The following EDEM3 variants were observed in gnomAD, a reference collection of about 807,000 sequenced individuals.
EDEM3 encodes the protein ER degradation enhancing alpha-mannosidase like protein 3.
EDEM3 carries 60 observed loss-of-function variants against 110.2 expected under a neutral mutation model. That is an observed-to-expected ratio of 0.54 (90% CI 0.44 to 0.67). The LOEUF is 0.67. EDEM3 is among the 30% of genes least tolerant of loss of function. The probability of loss-of-function intolerance (pLI) is 0.00; values close to 1 mark genes in which losing one functional copy is unlikely to be tolerated. For synonymous variants in EDEM3, 352 were observed against 382.9 expected (o/e 0.92, Z 0.94); for missense variants, 996 against 1,121.0 (o/e 0.89, Z 1.59).
chr1:184,701,609 A>G, intron 19 of EDEM3: 1 of 1,139,520 alleles, frequency 8.8e-7, no homozygotes, highest in South Asian at 1.4e-5. Flanking sequence ...AGTTACAAGA[A>G]ATAATAATTT....
intron 1 of EDEM3, among the ~76,000 whole-genome samples, chr1:184,754,278 A>C (rs536189519): frequency 6.6e-6 from 1 of 152,170 alleles, no homozygotes; most frequent in African/African-American, 2.4e-5. Flanking sequence ...ACCGGCGGCC[A>C]GGGCGACACC....
rs74710771 is a variant in EDEM3 at position 184,717,699 on chromosome 1, T to C, written c.1162-76A>G. ...GTAGTTCCAGAATATATAGAATATA[T>C]ATAAATAGGTAAAAGCAATTAAAAT... On this transcript the variant is annotated intron_variant, in intron 11 of 19. Transcript: ENST00000318130. 2.7e-4 allele frequency: 279 copies of C among 1,046,716 alleles called. 4 individuals are homozygous for C. The East Asian group carries it at 7.7e-3, about 29-fold the overall frequency. The allele number at this position is 1,046,716 out of a possible 1,614,324, so 64.8% of individuals were successfully genotyped here. A position where few individuals can be genotyped will look rare whatever the true frequency, so the allele number is the denominator to read the frequency against.
chr1:184,753,346 T>C (rs1398743655), intron 1 of EDEM3, among the ~76,000 whole-genome samples: 1 of 151,990 alleles, frequency 6.6e-6, no homozygotes, highest in African/African-American at 2.4e-5. Context: ...TATTATTCCA[T>C]AATATGAACG....
chr1:184,701,319 A>T (rs1050304634), intron 19 of EDEM3, among the ~76,000 whole-genome samples: 1 of 152,090 alleles, frequency 6.6e-6, no homozygotes, highest in African/African-American at 2.4e-5. Flanking sequence ...TATAATTATT[A>T]GAATTTAAAA....
chr1:184,754,415 G>T, intron 1 of EDEM3, 74 bp downstream of exon 1: 1 of 1,594,854 alleles, frequency 6.3e-7, no homozygotes, highest in Non-Finnish European at 8.5e-7. Flanking sequence ...CTACGCGACC[G>T]GGTCGCAATG....
intron 15 of EDEM3, among the ~76,000 whole-genome samples, chr1:184,711,505 T>A (rs1650229179): frequency 1.3e-5 from 2 of 152,202 alleles, no homozygotes; most frequent in South Asian, 4.1e-4. Flanking sequence ...AAAAGATATA[T>A]TGAAAGTTTC....
At chr1:184,723,428 A>C (rs377466416) in intron 8 of EDEM3, among the ~76,000 whole-genome samples, 1 of 152,032 alleles carries the variant, frequency 6.6e-6, no homozygotes, top group Non-Finnish European at 1.5e-5. Context: ...TATTAAACCC[A>C]TATTCTTACT....
chr1:184,732,178 C>CT (rs1558062945), intron 6 of EDEM3, among the ~76,000 whole-genome samples: 1 of 151,436 alleles, frequency 6.6e-6, no homozygotes, highest in African/African-American at 2.4e-5. Flanking sequence ...TCCATTCCCC[C>CT]CCACCAAAAA....
intron 1 of EDEM3, among the ~76,000 whole-genome samples, chr1:184,751,954 T>C (rs1441340141): frequency 6.6e-6 from 1 of 152,074 alleles, no homozygotes; most frequent in Non-Finnish European, 1.5e-5. Flanking sequence ...GGTTTCTCCA[T>C]GTTGGTCAGG....
Position 184,694,394 on chromosome 1 carries a change from C to T in EDEM3, c.2468G>A (p.Ser823Asn). ...ATCAACCAAATCAACCTCCTGAGAA[C>T]TTGATGAAATCTGTTCACCACTCTG... ...QNQSGEQISS[S>N]SQEVDLVDQE... The change falls in exon 20 of 20, where the codon AGT becomes AAT. Residue 823 changes from serine to asparagine, a missense_variant. This residue lies in a region of EDEM3 where 345 missense variants were observed against 402.0 expected (regional missense o/e 0.86). Transcript: ENST00000318130. The T allele has an allele frequency of 6.2e-7, 1 of 1,612,236 alleles. No homozygotes were observed. Among genetic ancestry groups the T allele is most frequent in the South Asian group, 1.1e-5 (1 of 91,028 alleles).
chr1:184,738,755 T>A (rs997538090), intron 2 of EDEM3, among the ~76,000 whole-genome samples: 2 of 152,202 alleles, frequency 1.3e-5, no homozygotes, highest in Non-Finnish European at 2.9e-5. Flanking sequence ...GTTATTTCTT[T>A]TTTGAAATGT....
At chr1:184,744,236 A>G (rs1250955141) in intron 2 of EDEM3, among the ~76,000 whole-genome samples, 1 of 140,956 alleles carries the variant, frequency 7.1e-6, no homozygotes, top group East Asian at 2.0e-4. Context: ...CAGTAATAAC[A>G]GAACAAATGA....
chr1:184,726,402 A>C lies in EDEM3; in HGVS notation c.613-13T>G. 6.2e-7 allele frequency: 1 copy of C among 1,610,980 alleles called. No homozygotes were observed. Among genetic ancestry groups the C allele is most frequent in the East Asian group, 2.2e-5 (1 of 44,800 alleles). On this transcript the variant is annotated splice_polypyrimidine_tract_variant and intron_variant, in intron 6 of 19. Transcript: ENST00000318130. Reference sequence around the variant, plus strand: ...ACTTTAAATTAATCTGAATACAATTAGAAAATTGTCATTAGCAGTTATCAA... The same window carrying C: ...ACTTTAAATTAATCTGAATACAATTCGAAAATTGTCATTAGCAGTTATCAA...
chr1:184,717,251 A>G (rs1650602789), intron 12 of EDEM3, among the ~76,000 whole-genome samples: 2 of 152,198 alleles, frequency 1.3e-5, no homozygotes, highest in South Asian at 4.1e-4. Flanking sequence ...TAATGCTCAG[A>G]AAGGCTGCCT....
intron 6 of EDEM3, among the ~76,000 whole-genome samples, chr1:184,732,059 C>T (rs1305218212): frequency 6.6e-6 from 1 of 151,974 alleles, no homozygotes; most frequent in Non-Finnish European, 1.5e-5. Context: ...GCCTGTAGTC[C>T]CAGCTACTCG....
chr1:184,693,109 C>G lies in EDEM3; in HGVS notation c.*954G>C, dbSNP rs1649137257. 6.5e-6 allele frequency: 1 copy of G among 154,964 alleles called. No homozygotes were observed. The highest frequency in any genetic ancestry group is 1.5e-5 in the Non-Finnish European group (1 of 68,230). 9.6% of individuals were successfully genotyped at this position (154,964 alleles called of 1,614,324 possible). A position where few individuals can be genotyped will look rare whatever the true frequency, so the allele number is the denominator to read the frequency against. On this transcript the variant is annotated 3_prime_UTR_variant, in exon 20 of 20. Transcript: ENST00000318130. ...TGTATATAGCTGTTGGCGATACGAG[C>G]CTTGTGGCTCAAATTGCATACCAAA...
chr1:184,701,576 GA>G (rs1221860708), intron 19 of EDEM3: 38 of 1,260,236 alleles, frequency 3.0e-5, no homozygotes, highest in East Asian at 1.1e-4. Flanking sequence ...AAAATAGGGG[GA>G]AAAAAAGCAA....
intron 19 of EDEM3, among the ~76,000 whole-genome samples, chr1:184,699,076 G>A (rs1312108539): frequency 6.6e-6 from 1 of 151,800 alleles, no homozygotes; most frequent in Non-Finnish European, 1.5e-5. Context: ...AACACAGAAA[G>A]AATGGAGAAA....
chr1:184,736,130 T>C (rs1390433697), intron 4 of EDEM3, among the ~76,000 whole-genome samples: 1 of 152,190 alleles, frequency 6.6e-6, no homozygotes, highest in Admixed American at 6.5e-5. Context: ...CAAAGAGCTT[T>C]GGAAGGGATG....
Sources: allele counts gnomAD v4.1 joint callset (sites outside exome capture counted in the v4.1 genomes callset), GRCh38; gene constraint gnomAD v4.1.1; regional missense constraint gnomAD v4.1.1; transcripts MANE v1.5; gene names NCBI Gene and HGNC (gene_info 2026-07-23, HGNC 2026-07-21).